NAALADL2: variants seen among roughly 807,000 people sequenced by gnomAD.
NAALADL2 encodes N-acetylated alpha-linked acidic dipeptidase like 2.
NAALADL2 carries 76 observed loss-of-function variants against 87.2 expected under a neutral mutation model. The observed-to-expected ratio is 0.87, with a 90% CI of 0.72 to 1.05. NAALADL2 has a LOEUF of 1.05. Among genes scored for constraint, NAALADL2 ranks in the 50% least tolerant of loss-of-function variants. The pLI, the probability that NAALADL2 is intolerant of heterozygous loss-of-function variation, is 0.00. For synonymous variants in NAALADL2, 354 were observed against 331.0 expected (o/e 1.07, Z -0.75); for missense variants, 1,089 against 945.8 (o/e 1.15, Z -1.99).
At chr3:175,091,144 T>C (rs1051939466) in intron 1 of NAALADL2, among the ~76,000 whole-genome samples, 1 of 152,162 alleles carries the variant, frequency 6.6e-6, no homozygotes, top group African/African-American at 2.4e-5. Flanking sequence ...AGTAGGTTTA[T>C]ACTGAAAAAT....
chr3:175,202,060 T>TA (rs397969699), intron 2 of NAALADL2, among the ~76,000 whole-genome samples: 109 of 152,272 alleles, frequency 7.2e-4, no homozygotes, highest in African/African-American at 2.5e-3. Context: ...TTTTTTTTTT[T>TA]ACATACGAAA....
chr3:175,406,855 A>G (rs949626977), intron 5 of NAALADL2, among the ~76,000 whole-genome samples: 1 of 149,666 alleles, frequency 6.7e-6, no homozygotes, highest in Non-Finnish European at 1.5e-5. Flanking sequence ...GTTCAGTTTT[A>G]TTCAAATAAA....
chr3:174,520,465 A>T (rs1393469394), intron 1 of NAALADL2, among the ~76,000 whole-genome samples: 1 of 152,182 alleles, frequency 6.6e-6, no homozygotes, highest in Non-Finnish European at 1.5e-5. Context: ...TGAAGAAAAG[A>T]CACTGTATTC....
At chr3:175,206,322 A>G (rs200748567) in intron 2 of NAALADL2, among the ~76,000 whole-genome samples, 8,587 of 115,216 alleles carry the variant, frequency 0.075, 1,197 homozygotes, top group African/African-American at 0.22. Flanking sequence ...ACACATACAT[A>G]CACACACACA....
At chr3:175,381,381 G>A (rs1767761989) in intron 5 of NAALADL2, among the ~76,000 whole-genome samples, 1 of 151,370 alleles carries the variant, frequency 6.6e-6, no homozygotes, top group Non-Finnish European at 1.5e-5. Context: ...GATCAATTTT[G>A]CATTTTTTAT....
intron 1 of NAALADL2, among the ~76,000 whole-genome samples, chr3:175,092,808 A>C (rs2108333892): frequency 6.6e-6 from 1 of 152,004 alleles, no homozygotes; most frequent in East Asian, 1.9e-4. Context: ...AATTTTAAAA[A>C]CTGGACTTTG....
chr3:175,140,167 T>C (rs1729774245), intron 2 of NAALADL2, among the ~76,000 whole-genome samples: 1 of 152,136 alleles, frequency 6.6e-6, no homozygotes, highest in African/African-American at 2.4e-5. Context: ...GAGGGATAAT[T>C]GTGGCCATCT....
At chr3:175,460,075 T>A (rs1722884679) in intron 6 of NAALADL2, 3 of 443,940 alleles carry the variant, frequency 6.8e-6, no homozygotes, top group South Asian at 4.9e-5. Flanking sequence ...ATTATTCTTG[T>A]AGGATAAATT....
chr3:175,393,268 G>A lies in NAALADL2; in HGVS notation c.1091-53961G>A, dbSNP rs376852464. Among the ~76,000 whole-genome samples the A allele has an allele frequency of 2.4e-4, 22 of 92,432 alleles. No homozygotes were observed. In the East Asian group the frequency reaches 6.4e-3, roughly 27 times the overall value. 60.6% of individuals were successfully genotyped at this position (92,432 alleles called of 152,430 possible). A position where few individuals can be genotyped will look rare whatever the true frequency, so the allele number is the denominator to read the frequency against. ...CGCAGTCCGGCCTGGGCGACAGAGC[G>A]AGACTCCGTCTCAAAAAAAAAAAAA... On this transcript the variant is annotated intron_variant, in intron 5 of 13. Coordinates refer to ENST00000454872, the MANE Select transcript of NAALADL2 (RefSeq NM_207015.3).
At chr3:175,455,585 C>T (rs1722210611) in intron 6 of NAALADL2, among the ~76,000 whole-genome samples, 2 of 151,762 alleles carry the variant, frequency 1.3e-5, no homozygotes, top group South Asian at 4.2e-4. Flanking sequence ...ATTGTTTTTC[C>T]AAAAGTATGC....
At chr3:175,737,853 CA>C (rs1350211430) in intron 12 of NAALADL2, among the ~76,000 whole-genome samples, 2 of 149,662 alleles carry the variant, frequency 1.3e-5, no homozygotes, top group Non-Finnish European at 3.0e-5. Flanking sequence ...GTTATTGGCT[CA>C]GACTTTAGAT....
intron 2 of NAALADL2, among the ~76,000 whole-genome samples, chr3:175,229,854 T>C (rs1476487708): frequency 6.6e-6 from 1 of 152,018 alleles, no homozygotes; most frequent in Non-Finnish European, 1.5e-5. Context: ...CATTCCAATA[T>C]TCATATGGAA....
At chr3:175,160,360 C>CTTT (rs71164618) in intron 2 of NAALADL2, among the ~76,000 whole-genome samples, 1,865 of 56,846 alleles carry the variant, frequency 0.033, 406 homozygotes, top group Non-Finnish European at 0.052. Context: ...TCTTTTCTTT[C>CTTT]TTTTTTTTTT....
At chr3:175,606,390 T>C (rs1355396888) in intron 10 of NAALADL2, among the ~76,000 whole-genome samples, 1 of 151,584 alleles carries the variant, frequency 6.6e-6, no homozygotes, top group African/African-American at 2.4e-5. Context: ...AACTAGCCTT[T>C]TTTTTTTTGT....
intron 1 of NAALADL2, among the ~76,000 whole-genome samples, chr3:174,971,235 G>C (rs1174445093): frequency 6.6e-6 from 1 of 152,176 alleles, no homozygotes; most frequent in Non-Finnish European, 1.5e-5. Context: ...GATTTGGATG[G>C]GGAGACAGCC....
intron 10 of NAALADL2, among the ~76,000 whole-genome samples, chr3:175,616,597 T>G (rs1349474617): frequency 3.9e-5 from 6 of 152,088 alleles, no homozygotes; most frequent in Admixed American, 6.6e-5. Context: ...CAGTGCCACT[T>G]CGCAAGCTGG....
intron 6 of NAALADL2, among the ~76,000 whole-genome samples, chr3:175,455,545 AT>A (rs1722202500): frequency 6.6e-6 from 1 of 152,114 alleles, no homozygotes; most frequent in Admixed American, 6.6e-5. Flanking sequence ...ATTTTACTAA[AT>A]AAAAAGAATA....
At chr3:175,726,609 A>G (rs935068499) in intron 11 of NAALADL2, among the ~76,000 whole-genome samples, 2 of 152,094 alleles carry the variant, frequency 1.3e-5, no homozygotes, top group African/African-American at 4.8e-5. Context: ...TGTGTCAGCT[A>G]CAGTGGTAGC....
intron 2 of NAALADL2, among the ~76,000 whole-genome samples, chr3:175,155,235 G>T (rs376289447): frequency 1.3e-5 from 2 of 152,264 alleles, no homozygotes; most frequent in East Asian, 1.9e-4. Flanking sequence ...GTCTCCAGAA[G>T]AATATAAAGT....
Sources: allele counts gnomAD v4.1 joint callset (sites outside exome capture counted in the v4.1 genomes callset), GRCh38; gene constraint gnomAD v4.1.1; transcripts MANE v1.5; gene names NCBI Gene and HGNC (gene_info 2026-07-23, HGNC 2026-07-21).